The following ANKS1B variants were observed in gnomAD, a reference collection of about 807,000 sequenced individuals.
ANKS1B encodes the protein ankyrin repeat and sterile alpha motif domain-containing protein 1B.
A neutral mutation model predicts 148.3 loss-of-function variants in ANKS1B; 36 were observed. The observed-to-expected ratio is 0.24, with a 90% CI of 0.19 to 0.32. The LOEUF is 0.32. Ranked by LOEUF, ANKS1B falls within the 10% of genes least tolerant of loss-of-function variation. The pLI is 1.00. For synonymous variants in ANKS1B, 542 were observed against 560.8 expected, an observed-to-expected ratio of 0.97 and a Z score of 0.47; for missense variants, 1,157 against 1,542.6, an observed-to-expected ratio of 0.75 and a Z score of 4.19.
intron 8 of ANKS1B, among the ~76,000 whole-genome samples, chr12:99,771,657 G>C (rs2063207428): frequency 6.6e-6 from 1 of 151,744 alleles, no homozygotes. Context: ...AATTTCATTT[G>C]GTAAAACTTA....
intron 8 of ANKS1B, among the ~76,000 whole-genome samples, chr12:99,671,001 C>A (rs1389708863): frequency 9.2e-5 from 14 of 152,030 alleles, no homozygotes; most frequent in African/African-American, 3.4e-4. Context: ...CTACTGAGAT[C>A]AAAAAATAGA....
In ANKS1B at chr12:99,782,358, G is replaced by A. The variant is rs185838276; in HGVS notation, c.670-261C>T. 6.9e-4 allele frequency among the ~76,000 whole-genome samples: 105 copies of A among 152,226 alleles called. 1 individual carries two copies. The highest frequency in any genetic ancestry group is 3.4e-3 in the Middle Eastern group (1 of 294). ...ATGGATCACCTGAGGTCAGGAGTTC[G>A]AGACCAGCCTGGCCAACATGGCAAA... On this transcript the variant is annotated intron_variant, in intron 4 of 26. Transcript: ENST00000683438.
At chr12:98,810,569 C>G (rs968038071) in intron 19 of ANKS1B, among the ~76,000 whole-genome samples, 2 of 152,174 alleles carry the variant, frequency 1.3e-5, no homozygotes, top group Non-Finnish European at 2.9e-5. Flanking sequence ...GAAATAAAGT[C>G]TCCTCTACTT....
At chr12:99,325,031 C>T (rs1434375644) in intron 12 of ANKS1B, among the ~76,000 whole-genome samples, 3 of 152,084 alleles carry the variant, frequency 2.0e-5, no homozygotes, top group Non-Finnish European at 4.4e-5. Context: ...CGTATATGTA[C>T]AGTATGTACC....
At chr12:99,763,070 T>C (rs2062305054) in intron 8 of ANKS1B, among the ~76,000 whole-genome samples, 4 of 152,154 alleles carry the variant, frequency 2.6e-5, no homozygotes, top group Admixed American at 2.0e-4. Context: ...TCAGCTACTA[T>C]AGAAATAGTT....
intron 8 of ANKS1B, among the ~76,000 whole-genome samples, chr12:99,748,415 A>AC (rs1555586761): frequency 2.1e-4 from 32 of 149,226 alleles, no homozygotes; most frequent in Middle Eastern, 3.5e-3. Flanking sequence ...ATCTGAAGAG[A>AC]TTTTTTTTTT....
chr12:98,736,458 A>G (rs899495056), intron 9 of ANKS1B, among the ~76,000 whole-genome samples: 20 of 152,188 alleles, frequency 1.3e-4, no homozygotes, highest in African/African-American at 4.3e-4. Flanking sequence ...AGACAATGAA[A>G]GCAGCTTTGC....
intron 9 of ANKS1B, among the ~76,000 whole-genome samples, chr12:99,547,557 A>G (rs2097182427): frequency 6.6e-6 from 1 of 152,138 alleles, no homozygotes; most frequent in Admixed American, 6.6e-5. Context: ...ACCCAAAGTG[A>G]GGTGCCCTTT....
chr12:99,295,536 T>C (rs997287222), intron 12 of ANKS1B, among the ~76,000 whole-genome samples: 1 of 152,258 alleles, frequency 6.6e-6, no homozygotes, highest in Non-Finnish European at 1.5e-5. Context: ...TTCAGAAAGC[T>C]GAAGTTCTTA....
rs200843421 is a variant in ANKS1B at position 99,205,058 on chromosome 12, G to GC, written c.2419+39283dup. On this transcript the variant is annotated intron_variant, in intron 14 of 26. Coordinates refer to ENST00000683438, the MANE Select transcript of ANKS1B (RefSeq NM_001352186.2). Reference sequence around the variant, plus strand: ...GGATACCACTGAGCTCTTGTACCAGGCCCCCCCCAAAAAGAAAAACAAACC... The same window carrying GC: ...GGATACCACTGAGCTCTTGTACCAGGCCCCCCCCCAAAAAGAAAAACAAACC... 8.2e-3 allele frequency among the ~76,000 whole-genome samples: 1,238 copies of GC among 151,424 alleles called. 18 individuals carry two copies. The highest frequency in any genetic ancestry group is 0.028 in the African/African-American group (1,147 of 41,264).
At chr12:99,337,740 C>G (rs994692913) in intron 12 of ANKS1B, among the ~76,000 whole-genome samples, 1 of 152,224 alleles carries the variant, frequency 6.6e-6, no homozygotes, top group Non-Finnish European at 1.5e-5. Flanking sequence ...CCCAGGAACA[C>G]TGAGACTTTT....
At chr12:99,905,432 A>C (rs543634579) in intron 1 of ANKS1B, among the ~76,000 whole-genome samples, 19 of 152,322 alleles carry the variant, frequency 1.2e-4, no homozygotes, top group Admixed American at 3.3e-4. Context: ...GACATACCAA[A>C]GCATTCATAA....
chr12:98,931,932 C>T (rs946510644), intron 17 of ANKS1B, among the ~76,000 whole-genome samples: 12 of 152,152 alleles, frequency 7.9e-5, no homozygotes, highest in Non-Finnish European at 1.8e-4. Flanking sequence ...TGGGAAGGAA[C>T]ACACCTGTGC....
chr12:99,001,562 T>G (rs2099933039), intron 17 of ANKS1B, among the ~76,000 whole-genome samples: 1 of 144,552 alleles, frequency 6.9e-6, no homozygotes, highest in African/African-American at 2.6e-5. Context: ...ATATTTGAGG[T>G]ATACTATGTG....
chr12:99,724,077 A>G (rs2058376377), intron 8 of ANKS1B, among the ~76,000 whole-genome samples: 1 of 152,102 alleles, frequency 6.6e-6, no homozygotes, highest in African/African-American at 2.4e-5. Flanking sequence ...TGAAAGCCCA[A>G]AAGGCCAGAG....
intron 17 of ANKS1B, among the ~76,000 whole-genome samples, chr12:98,887,988 C>T (rs2099743915): frequency 6.6e-6 from 1 of 152,206 alleles, no homozygotes; most frequent in Admixed American, 6.5e-5. Flanking sequence ...TCTATCCGCA[C>T]AGTCATGTAT....
At chr12:99,191,951 G>A (rs2080777035) in intron 14 of ANKS1B, among the ~76,000 whole-genome samples, 1 of 151,910 alleles carries the variant, frequency 6.6e-6, no homozygotes, top group Non-Finnish European at 1.5e-5. Flanking sequence ...TACCAACATG[G>A]TGAAACCCCA....
At chr12:99,733,962 C>G (rs1198578095) in intron 8 of ANKS1B, among the ~76,000 whole-genome samples, 1 of 152,166 alleles carries the variant, frequency 6.6e-6, no homozygotes, top group African/African-American at 2.4e-5. Context: ...TTCCATATAG[C>G]TTTGCAAAAT....
chr12:99,114,616 G>C (rs910760829), intron 15 of ANKS1B, among the ~76,000 whole-genome samples: 3 of 152,044 alleles, frequency 2.0e-5, no homozygotes, highest in Non-Finnish European at 4.4e-5. Context: ...GCTGGGCGTG[G>C]TGGCATGGGC....
Sources: allele counts gnomAD v4.1 joint callset (sites outside exome capture counted in the v4.1 genomes callset), GRCh38; gene constraint gnomAD v4.1.1; transcripts MANE v1.5; gene names NCBI Gene and HGNC (gene_info 2026-07-23, HGNC 2026-07-21).